The following DENND5A variants were observed in gnomAD, a reference collection of about 807,000 sequenced individuals.
DENND5A encodes DENN domain-containing protein 5A.
A neutral mutation model predicts 140.3 loss-of-function variants in DENND5A; 64 were observed. The ratio of observed to expected loss-of-function variants is 0.46; its 90% confidence interval spans 0.37 to 0.56. The LOEUF is 0.56. Among genes scored for constraint, DENND5A ranks in the 20% least tolerant of loss-of-function variants. The probability of loss-of-function intolerance (pLI) is 0.00; values close to 1 mark genes in which losing one functional copy is unlikely to be tolerated. For synonymous variants in DENND5A, 605 were observed against 607.7 expected (o/e 1.00, Z 0.07); for missense variants, 1,292 against 1,593.8 (o/e 0.81, Z 3.22).
At chr11:9,261,183 G>T (rs1852182690) in intron 1 of DENND5A, among the ~76,000 whole-genome samples, 1 of 152,134 alleles carries the variant, frequency 6.6e-6, no homozygotes, top group Non-Finnish European at 1.5e-5. Context: ...AGAGAGGAAT[G>T]AATCTTAACC....
Position 9,180,794 on chromosome 11 carries a change from G to A in DENND5A, c.1428C>T (p.Val476=). ...TTTCCAGGCTCACCCCAGTTCTCTT[G>A]ACCAAGGCTTGCAGCCGGGCAATAG... The part of the protein sequence containing the change: ...NETIARLQAL[V]KRTGVSLEKL... The change falls in exon 6 of 23, where the codon GTC becomes GTT. Residue 476 remains valine (V), a synonymous_variant. Coordinates refer to ENST00000328194, the MANE Select transcript of DENND5A (RefSeq NM_015213.4). The A allele has an allele frequency of 1.2e-6, 2 of 1,614,122 alleles. No individual in the cohort carries two copies. The highest frequency in any genetic ancestry group is 4.5e-5 in the East Asian group (2 of 44,882).
At position 9,152,397 on chromosome 11, in the gene DENND5A, G is replaced by T. The variant is rs549657250; in HGVS notation, c.2482C>A (p.Arg828=). ...WSHLLHYQDN[R]QRKLTSGSLS... ...CTTCCTGATGTGAGTTTTCTCTGCC[G>T]GTTGTCCTGATAATGTAACAGGTGG... Residue 828 remains arginine, a synonymous_variant, in exon 13 of 23, where the codon CGG becomes AGG. Coordinates refer to ENST00000328194, the MANE Select transcript of DENND5A (RefSeq NM_015213.4). 11 of 1,613,776 alleles carry T rather than the reference G, an allele frequency of 6.8e-6. No homozygotes were observed. The highest frequency in any genetic ancestry group is 1.1e-5 in the South Asian group (1 of 91,082).
intron 1 of DENND5A, among the ~76,000 whole-genome samples, chr11:9,223,115 CGCGGTG>C (rs1429378074): frequency 1.3e-5 from 2 of 152,064 alleles, no homozygotes; most frequent in Non-Finnish European, 2.9e-5. Flanking sequence ...GCCGGCTGGG[CGCGGTG>C]GCTCATGCCT....
At chr11:9,158,704 GC>G (rs1847886872) in intron 12 of DENND5A, among the ~76,000 whole-genome samples, 1 of 152,100 alleles carries the variant, frequency 6.6e-6, no homozygotes, top group African/African-American at 2.4e-5. Context: ...TTACAGTCAA[GC>G]TCTTAAACAC....
intron 5 of DENND5A, among the ~76,000 whole-genome samples, chr11:9,185,680 G>A (rs73402339): frequency 0.042 from 6,458 of 152,218 alleles, 426 homozygotes; most frequent in African/African-American, 0.14. Flanking sequence ...ATGTATATGT[G>A]TCTGTGTGTG....
chr11:9,162,264 G>A (rs1848012405), intron 11 of DENND5A, among the ~76,000 whole-genome samples: 1 of 132,144 alleles, frequency 7.6e-6, no homozygotes, highest in Non-Finnish European at 1.6e-5. Context: ...TTGAGATGGA[G>A]TTTCGCTCTT....
intron 1 of DENND5A, among the ~76,000 whole-genome samples, chr11:9,237,250 C>T (rs1041019306): frequency 2.0e-5 from 3 of 152,076 alleles, no homozygotes; most frequent in African/African-American, 7.2e-5. Flanking sequence ...AACCCCGTCT[C>T]TACTAAAAAT....
At chr11:9,140,297 A>T in intron 22 of DENND5A, 1 of 1,055,412 alleles carries the variant, frequency 9.5e-7, no homozygotes, top group South Asian at 1.3e-5. Flanking sequence ...ATAGATGAAG[A>T]AAGTAGGGTA....
In DENND5A at chr11:9,142,798, C is replaced by T. The variant is rs371130612; in HGVS notation, c.3435G>A (p.Ser1145=). The change falls in exon 21 of 23, where the codon TCG becomes TCA. Residue 1145 remains serine (S), a synonymous_variant. Transcript: ENST00000328194. ...LLLCGECGLV[S]ALEQAFQHGF... ...CATGCTGGAAAGCCTGTTCCAAGGC[C>T]GAGACAAGGCCACACTCTCCACAGA... 2,252 of 1,614,132 alleles carry T rather than the reference C, an allele frequency of 1.4e-3. 48 individuals are homozygous for T. The South Asian group carries it at 0.023, about 17-fold the overall frequency.
intron 8 of DENND5A, chr11:9,171,965 G>A (rs1045498408): frequency 2.6e-5 from 4 of 152,146 alleles, no homozygotes; most frequent in Admixed American, 2.0e-4. Context: ...ACACGGGCTG[G>A]GTTAAAAGCA....
chr11:9,188,559 C>T (rs1373605794), intron 5 of DENND5A, among the ~76,000 whole-genome samples: 3 of 152,102 alleles, frequency 2.0e-5, no homozygotes, highest in Admixed American at 2.0e-4. Flanking sequence ...ATGGCTGTGA[C>T]CAAAATGCTA....
chr11:9,195,323 G>A (rs1161282493), intron 4 of DENND5A, among the ~76,000 whole-genome samples: 1 of 152,080 alleles, frequency 6.6e-6, no homozygotes, highest in African/African-American at 2.4e-5. Context: ...TGATCCGCCT[G>A]CCTCGGCCTC....
At chr11:9,208,634 C>T (rs1380718636) in intron 1 of DENND5A, among the ~76,000 whole-genome samples, 2 of 152,176 alleles carry the variant, frequency 1.3e-5, no homozygotes, top group East Asian at 1.9e-4. Flanking sequence ...AGGTTTTGTC[C>T]ATCATCAGAA....
intron 1 of DENND5A, among the ~76,000 whole-genome samples, chr11:9,232,284 G>C (rs1354951632): frequency 6.6e-6 from 1 of 151,692 alleles, no homozygotes; most frequent in East Asian, 1.9e-4. Context: ...GCCATTAAAA[G>C]AATGAAAACG....
chr11:9,172,864 A>G (rs753581890), intron 8 of DENND5A, among the ~76,000 whole-genome samples: 62 of 152,018 alleles, frequency 4.1e-4, no homozygotes, highest in Admixed American at 7.9e-4. Flanking sequence ...CGCCCGGGCT[A>G]GAGTGCTGTG....
Position 9,148,474 on chromosome 11 carries a change from A to G in DENND5A, c.2736-1323T>C, listed in dbSNP as rs560298194. ...AGAGACAGCCATGACCAACTTCAGG[A>G]AATTTAAATTTAGTGCAGGTGAGAA... On this transcript the variant is annotated intron_variant, in intron 15 of 22. Coordinates refer to ENST00000328194, the MANE Select transcript of DENND5A (RefSeq NM_015213.4). 6.6e-5 allele frequency among the ~76,000 whole-genome samples: 10 copies of G among 152,302 alleles called. No individual in the cohort carries two copies. The South Asian group carries it at 2.1e-3, about 32-fold the overall frequency.
At chr11:9,146,429 C>T (rs1847432437) in intron 16 of DENND5A, among the ~76,000 whole-genome samples, 1 of 152,184 alleles carries the variant, frequency 6.6e-6, no homozygotes, top group Admixed American at 6.5e-5. Context: ...ATCCTGGCAT[C>T]AGGGAAAGAA....
intron 5 of DENND5A, among the ~76,000 whole-genome samples, chr11:9,188,043 G>C (rs73402344): frequency 6.6e-6 from 1 of 152,092 alleles, no homozygotes; most frequent in Non-Finnish European, 1.5e-5. Context: ...CAGCCCTGCC[G>C]GATATGGTTT....
At chr11:9,230,988 A>AAAAC (rs749290140) in intron 1 of DENND5A, among the ~76,000 whole-genome samples, 1 of 152,098 alleles carries the variant, frequency 6.6e-6, no homozygotes, top group African/African-American at 2.4e-5. Flanking sequence ...TGTCAAAAAC[A>AAAAC]AAACAAACAA....
Sources: gnomAD v4.1 joint callset for allele counts (sites outside exome capture counted in the v4.1 genomes callset) on GRCh38, gnomAD v4.1.1 for gene constraint, MANE v1.5 for transcripts, NCBI Gene and HGNC (gene_info 2026-07-23, HGNC 2026-07-21) for gene names.